INTS2: variants seen among roughly 807,000 people sequenced by gnomAD.
INTS2 encodes the protein KIAA1287.
In INTS2, 57 loss-of-function variants were observed where a neutral mutation model predicts 139.6. The ratio of observed to expected loss-of-function variants is 0.41; its 90% CI spans 0.33 to 0.51. The LOEUF (loss-of-function observed/expected upper bound fraction) is 0.51, where lower values mean the gene tolerates loss of function less well. Ranked by LOEUF, INTS2 falls within the 20% of genes least tolerant of loss-of-function variation. The pLI, the probability that INTS2 is intolerant of heterozygous loss-of-function variation, is 0.28. For missense variants in INTS2, 1,196 were observed against 1,436.7 expected (o/e 0.83, Z 2.71); for synonymous variants, 473 against 493.4 (o/e 0.96, Z 0.55).
chr17:61,892,190 T>C (rs2079302103), intron 13 of INTS2, among the ~76,000 whole-genome samples: 3 of 152,216 alleles, frequency 2.0e-5, no homozygotes, highest in South Asian at 4.1e-4. Context: ...TTAGCTATTT[T>C]ACTTGCTAAA....
chr17:61,897,052 T>C lies in INTS2; in HGVS notation c.1494+417A>G, dbSNP rs2079356527. Among the ~76,000 whole-genome samples, 2 of 152,274 alleles carry C rather than the reference T, an allele frequency of 1.3e-5. No individual in the cohort carries two copies. The highest frequency in any genetic ancestry group is 2.1e-4 in the South Asian group (1 of 4,824). On this transcript the variant is annotated intron_variant, in intron 11 of 24. Coordinates refer to ENST00000251334, the MANE Select transcript of INTS2 (RefSeq NM_001351695.2). The surrounding 1 kb of genome is among the most constrained non-coding windows in gnomAD (Gnocchi z 4.4). ...TACATGGGAAATAATAAGGGACCTATTAAGAAGATCAAACAATGGACTATA... is the reference window on the plus strand; with the variant it reads ...TACATGGGAAATAATAAGGGACCTACTAAGAAGATCAAACAATGGACTATA...
chr17:61,911,320 G>T, intron 7 of INTS2, 200 bp downstream of exon 7: 2 of 450,722 alleles, frequency 4.4e-6, no homozygotes, highest in South Asian at 6.9e-5. Context: ...TTCTAATATG[G>T]TAAATATCAA....
At position 61,869,307 on chromosome 17, in the gene INTS2, G is replaced by A; in HGVS notation, c.3104C>T (p.Pro1035Leu). Reference sequence around the variant, plus strand: ...AAGTTCTGGCTGTGCAATAAGCTCAGGTATGAAATCTAGACAGATGTGCAT... The same window carrying A: ...AAGTTCTGGCTGTGCAATAAGCTCAAGTATGAAATCTAGACAGATGTGCAT... ...PSMHICLDFI[P>L]ELIAQPELEK... Residue 1035 changes from proline (P) to leucine (L), a missense_variant, in exon 22 of 25, where the codon CCT (proline) becomes CTT (leucine). Pro to Leu is a moderately conservative substitution (Grantham distance 98, BLOSUM62 -3). Coordinates refer to ENST00000251334, the MANE Select transcript of INTS2 (RefSeq NM_001351695.2). The surrounding 1 kb of genome is among the most constrained non-coding windows in gnomAD (Gnocchi z 5.4). 6.2e-7 allele frequency: 1 copy of A among 1,606,478 alleles called. No homozygotes were observed. Among genetic ancestry groups the A allele is most frequent in the Non-Finnish European group, 8.5e-7 (1 of 1,176,068 alleles).
rs140913654 is a variant in INTS2 at position 61,868,605 on chromosome 17, G to A, written c.3244+429C>T. On this transcript the variant is annotated intron_variant, in intron 23 of 24. Transcript: ENST00000251334. This position sits in a 1 kb window ranked among gnomAD's most constrained non-coding sequence, Gnocchi z 4.7. ...GGTTAAAATATCAGAATATGTTTTAGAACTTATGAAGACATCTAATACATT... is the reference window on the plus strand; with the variant it reads ...GGTTAAAATATCAGAATATGTTTTAAAACTTATGAAGACATCTAATACATT... 6.6e-6 allele frequency among the ~76,000 whole-genome samples: 1 copy of A among 152,162 alleles called. No individual in the cohort carries two copies. The highest frequency in any genetic ancestry group is 1.9e-4 in the East Asian group (1 of 5,186).
rs2079733454 is a variant in INTS2, at chr17:61,927,775, C to A, written c.-140G>T. On this transcript the variant is annotated 5_prime_UTR_variant, in exon 1 of 25. Coordinates refer to ENST00000251334, the MANE Select transcript of INTS2 (RefSeq NM_001351695.2). The stretch of plus-strand genomic sequence containing the variant: ...CCTAGGCGATATCCGGAACCCCAAA[C>A]CCTAGTTGTGCCTCGAGTCGACTCG... 3.2e-6 allele frequency: 5 copies of A among 1,583,264 alleles called. No individual in the cohort carries two copies. The South Asian group carries it at 5.8e-5, about 18-fold the overall frequency.
intron 19 of INTS2, 132 bp downstream of exon 19, chr17:61,874,781 A>C (rs2079114410): frequency 1.8e-6 from 1 of 547,696 alleles, no homozygotes; most frequent in African/African-American, 2.0e-5. Flanking sequence ...TAAGACAAAA[A>C]ACCGCACAGG....
Position 61,897,215 on chromosome 17 carries a change from G to A in INTS2, c.1494+254C>T, listed in dbSNP as rs1453053220. On this transcript the variant is annotated intron_variant, in intron 11 of 24. Coordinates refer to ENST00000251334, the MANE Select transcript of INTS2 (RefSeq NM_001351695.2). The surrounding 1 kb of genome is among the most constrained non-coding windows in gnomAD (Gnocchi z 4.4). The stretch of plus-strand genomic sequence containing the variant: ...AAGAACAGACATCAGAATATTAATA[G>A]TAGTATACTAGGTATCTCTGAATCA... Among the ~76,000 whole-genome samples, 1 of 152,064 alleles carries A rather than the reference G, an allele frequency of 6.6e-6. No homozygotes were observed. Among genetic ancestry groups the A allele is most frequent in the East Asian group, 1.9e-4 (1 of 5,200 alleles).
At chr17:61,906,130 C>A (rs1384834413) in intron 8 of INTS2, among the ~76,000 whole-genome samples, 1 of 152,130 alleles carries the variant, frequency 6.6e-6, no homozygotes, top group Non-Finnish European at 1.5e-5. Context: ...GGTTGAGTAA[C>A]CCCAATCCAA....
chr17:61,879,647 T>C (rs896925057), intron 17 of INTS2, among the ~76,000 whole-genome samples: 2 of 152,118 alleles, frequency 1.3e-5, no homozygotes, highest in African/African-American at 4.8e-5. Context: ...GCCCACGAGT[T>C]TGAGACCAGC....
chr17:61,878,943 A>AAAAAAAAAAC lies in INTS2; in HGVS notation c.2255-856_2255-855insGTTTTTTTTT, dbSNP rs1567891539. Among the ~76,000 whole-genome samples, 14 of 149,842 alleles carry AAAAAAAAAAC rather than the reference A, an allele frequency of 9.3e-5. 2 individuals are homozygous for AAAAAAAAAAC. The highest frequency in any genetic ancestry group is 3.2e-4 in the African/African-American group (13 of 40,248). ...CAGACCCTGTCTCCAAAAAAAAAAA[A>AAAAAAAAAAC]AAAAAAAAAAACACTTTACTGACCC... On this transcript the variant is annotated intron_variant, in intron 17 of 24. Transcript: ENST00000251334.
Position 61,866,670 on chromosome 17 carries a change from T to TA in INTS2, c.*886_*887insT, listed in dbSNP as rs1431063569. 2.6e-5 allele frequency: 4 copies of TA among 152,174 alleles called. No individual in the cohort carries two copies. The highest frequency in any genetic ancestry group is 4.4e-5 in the Non-Finnish European group (3 of 68,028). 9.4% of individuals were successfully genotyped at this position (152,174 alleles called of 1,614,324 possible). On this transcript the variant is annotated 3_prime_UTR_variant, in exon 25 of 25. Transcript: ENST00000251334. ...ATAATCCTGATGACAAACCAAGAGC[T>TA]CTTTAATCCAGTGGGTTTTATTGCT...
rs1238517738 is a variant in INTS2, at chr17:61,873,548, G to A, written c.2583-1088C>T. 1.3e-5 allele frequency among the ~76,000 whole-genome samples: 2 copies of A among 152,024 alleles called. No homozygotes were observed. The highest frequency in any genetic ancestry group is 2.9e-5 in the Non-Finnish European group (2 of 67,982). On this transcript the variant is annotated intron_variant, in intron 19 of 24. Coordinates refer to ENST00000251334, the MANE Select transcript of INTS2 (RefSeq NM_001351695.2). This position sits in a 1 kb window ranked among gnomAD's most constrained non-coding sequence, Gnocchi z 4.0. ...CCTATTTCAGTGGATTTTTAACAAT[G>A]ATAAATCATTTTTTCAAGAAACAGC...
At chr17:61,892,280 A>G (rs1222048344) in intron 13 of INTS2, among the ~76,000 whole-genome samples, 1 of 152,246 alleles carries the variant, frequency 6.6e-6, no homozygotes, top group East Asian at 1.9e-4. Flanking sequence ...AAAAAGTGAT[A>G]TATCATGCAT....
chr17:61,879,006 CTTATTTTTTAAT>C (rs2079152834), intron 17 of INTS2, among the ~76,000 whole-genome samples: 1 of 115,008 alleles, frequency 8.7e-6, no homozygotes, highest in Non-Finnish European at 1.8e-5. Context: ...TCAGACTGAT[CTTATTTTTTAAT>C]TTATTTTTTT....
chr17:61,867,799 T>C lies in INTS2; in HGVS notation c.3421+34A>G. On this transcript the variant is annotated intron_variant, in intron 24 of 24. Transcript: ENST00000251334. This position sits in a 1 kb window ranked among gnomAD's most constrained non-coding sequence, Gnocchi z 5.6. ...GAATTTGGCCTTTTTGTTTGAGATA[T>C]TAAGATAACCCTTGAAAATAAGTTA... 1 of 1,563,356 alleles carries C rather than the reference T, an allele frequency of 6.4e-7. No homozygotes were observed. Among genetic ancestry groups the C allele is most frequent in the Non-Finnish European group, 8.6e-7 (1 of 1,157,472 alleles).
At chr17:61,924,731 A>C (rs1248922066) in intron 3 of INTS2, among the ~76,000 whole-genome samples, 2 of 152,266 alleles carry the variant, frequency 1.3e-5, no homozygotes, top group African/African-American at 2.4e-5. Context: ...CATGAAGCTG[A>C]GGCAGGAGAA....
chr17:61,895,650 G>C (rs941127807), intron 11 of INTS2, among the ~76,000 whole-genome samples: 1 of 152,124 alleles, frequency 6.6e-6, no homozygotes, highest in Non-Finnish European at 1.5e-5. Context: ...AGCTAGGATA[G>C]CTGCCCCTCT....
At position 61,881,031 on chromosome 17, in the gene INTS2, GATTTTTAGC is replaced by G; in HGVS notation, c.2221_2229del (p.Ala741_Asn743del). 6.2e-7 allele frequency: 1 copy of G among 1,613,806 alleles called. No individual in the cohort carries two copies. The highest frequency in any genetic ancestry group is 8.5e-7 in the Non-Finnish European group (1 of 1,179,756). On this transcript the variant is annotated inframe_deletion, in exon 17 of 25. Coordinates refer to ENST00000251334, the MANE Select transcript of INTS2 (RefSeq NM_001351695.2). The stretch of plus-strand genomic sequence containing the variant: ...CCTTCTTGGAGTTGTTTGGGAGAAT[GATTTTTAGC>G]ATTATTAGTCAGGAGCATTCGCCGT...
chr17:61,869,913 C>G lies in INTS2; in HGVS notation c.2854G>C (p.Asp952His), dbSNP rs2079075688. 6.2e-7 allele frequency: 1 copy of G among 1,613,762 alleles called. No individual in the cohort carries two copies. The highest frequency in any genetic ancestry group is 1.3e-5 in the African/African-American group (1 of 74,926). Residue 952 changes from aspartate (D) to histidine (H), a missense_variant, in exon 21 of 25, where the codon GAT becomes CAT. Physicochemically the swap from Asp to His is moderately conservative, Grantham distance 81. Transcript: ENST00000251334. This position sits in a 1 kb window ranked among gnomAD's most constrained non-coding sequence, Gnocchi z 5.4. Reference sequence around the variant, plus strand: ...CTTTGAACATTTCTTAACAAGCTATCTGGATTGACACCATTTGCTTTCTCC... The same window carrying G: ...CTTTGAACATTTCTTAACAAGCTATGTGGATTGACACCATTTGCTTTCTCC... ...EEEKANGVNP[D>H]SLLRNVQSVI...
Sources: gnomAD v4.1 joint callset for allele counts (sites outside exome capture counted in the v4.1 genomes callset) on GRCh38, gnomAD v4.1.1 for gene constraint, Gnocchi (gnomAD v3.1) non-coding constraint, MANE v1.5 for transcripts, NCBI Gene and HGNC (gene_info 2026-07-23, HGNC 2026-07-21) for gene names.